TSPAN4: variants seen among roughly 807,000 people sequenced by gnomAD.
TSPAN4 encodes tetraspanin-4.
A neutral mutation model predicts 31.5 loss-of-function variants in TSPAN4; 38 were observed. The ratio of observed to expected loss-of-function variants is 1.21; its 90% CI spans 0.93 to 1.58. The LOEUF is 1.58. Ranked by LOEUF, TSPAN4 falls within the 40% of genes most tolerant of loss-of-function variation. TSPAN4 has a pLI of 0.00. For synonymous variants in TSPAN4, 186 were observed against 144.6 expected, an observed-to-expected ratio of 1.29 and a Z score of -2.06; for missense variants, 330 against 317.3, an observed-to-expected ratio of 1.04 and a Z score of -0.30.
chr11:863,850 G>GGCTCCATCCTCAC, intron 4 of TSPAN4: 3 of 157,716 alleles, frequency 1.9e-5, no homozygotes, highest in Admixed American at 6.0e-5. Context: ...CAGGGCTGGG[G>GGCTCCATCCTCAC]TCAGGCTGAG....
At position 861,906 on chromosome 11, in the gene TSPAN4, G is replaced by C. The variant is rs539298598; in HGVS notation, c.64-644G>C. Among the ~76,000 whole-genome samples the C allele has an allele frequency of 3.3e-4, 50 of 152,296 alleles. 1 individual carries two copies. The highest frequency in any genetic ancestry group is 3.3e-3 in the Admixed American group (50 of 15,302). The stretch of plus-strand genomic sequence containing the variant: ...CCACTGCACTCCAGCCTGAGCAACA[G>C]GGTGAGACTCCATCTCCAAAAAAAG... On this transcript the variant is annotated intron_variant, in intron 3 of 8. Transcript: ENST00000397397.
At position 851,606 on chromosome 11, in the gene TSPAN4, G is replaced by T. The variant is rs187738581; in HGVS notation, c.63+1239G>T. On this transcript the variant is annotated intron_variant, in intron 3 of 8. Transcript: ENST00000397397. ...TTGGCCCAGACATCCACCTCCAGAA[G>T]GGGTCACCCAAGGGTTTGTTTTCTG... 4.5e-4 allele frequency among the ~76,000 whole-genome samples: 69 copies of T among 152,260 alleles called. No homozygotes were observed. The East Asian group carries it at 0.01, about 23-fold the overall frequency.
At position 850,278 on chromosome 11, in the gene TSPAN4, T is replaced by G; in HGVS notation, c.-17-10T>G. 1.2e-6 allele frequency: 2 copies of G among 1,601,776 alleles called. No individual in the cohort carries two copies. Among genetic ancestry groups the G allele is most frequent in the South Asian group, 2.2e-5 (2 of 89,976 alleles). On this transcript the variant is annotated splice_polypyrimidine_tract_variant and intron_variant, in intron 2 of 8. Transcript: ENST00000397397. Reference sequence around the variant, plus strand: ...TTTCTACCTGGACCTCTCCTTCATCTTCCTCCTAGAACTGAAGCGCTGCGG... The same window carrying G: ...TTTCTACCTGGACCTCTCCTTCATCGTCCTCCTAGAACTGAAGCGCTGCGG...
In TSPAN4 at chr11:850,340, C is replaced by A. The variant is rs752159258; in HGVS notation, c.36C>A (p.Leu12=). 1.0e-5 allele frequency: 16 copies of A among 1,606,854 alleles called. No individual in the cohort carries two copies. The highest frequency in any genetic ancestry group is 5.0e-5 in the Admixed American group (3 of 59,936). The change falls in exon 3 of 9, where the codon CTC becomes CTA. Residue 12 remains leucine (L), a synonymous_variant. Coordinates refer to ENST00000397397, the MANE Select transcript of TSPAN4 (RefSeq NM_003271.5). Reference sequence around the variant, plus strand: ...CCTGCCTCCAGGCCGTCAAGTACCTCATGTTCGCCTTCAACCTGCTCTTCT... The same window carrying A: ...CCTGCCTCCAGGCCGTCAAGTACCTAATGTTCGCCTTCAACCTGCTCTTCT... The part of the protein sequence containing the change: ...ARACLQAVKY[L]MFAFNLLFWL...
intron 3 of TSPAN4, among the ~76,000 whole-genome samples, chr11:861,549 A>G (rs1848456964): frequency 6.6e-6 from 1 of 152,052 alleles, no homozygotes; most frequent in Admixed American, 6.5e-5. Context: ...TGTCTCTACT[A>G]AAAGTACAAA....
chr11:857,400 G>GTTT (rs59381120), intron 3 of TSPAN4: 71,912 of 100,578 alleles, frequency 0.71, 26,799 homozygotes, highest in Middle Eastern at 0.74. Flanking sequence ...GGCAGTTTGG[G>GTTT]TTTTTTTTTT....
chr11:855,220 C>T (rs1847980647), intron 3 of TSPAN4, among the ~76,000 whole-genome samples: 1 of 152,088 alleles, frequency 6.6e-6, no homozygotes, highest in Non-Finnish European at 1.5e-5. Context: ...TCTCTGGGGG[C>T]AGAGATGTGG....
intron 3 of TSPAN4, among the ~76,000 whole-genome samples, chr11:856,612 G>A (rs1175550324): frequency 2.0e-5 from 3 of 152,356 alleles, no homozygotes; most frequent in Admixed American, 6.5e-5. Context: ...TGTATTGAGC[G>A]TGTGGGGAGG....
At chr11:851,598 C>T (rs1295500332) in intron 3 of TSPAN4, among the ~76,000 whole-genome samples, 6 of 152,112 alleles carry the variant, frequency 3.9e-5, no homozygotes, top group African/African-American at 9.7e-5. Context: ...AGACATCCAC[C>T]TCCAGAAGGG....
chr11:845,198 G>A (rs1335232637), intron 1 of TSPAN4, among the ~76,000 whole-genome samples: 1 of 152,194 alleles, frequency 6.6e-6, no homozygotes, highest in Non-Finnish European at 1.5e-5. Flanking sequence ...TCCATGCCTG[G>A]GACAGATGTG....
At chr11:847,964 G>C (rs909791437) in intron 2 of TSPAN4, among the ~76,000 whole-genome samples, 2 of 152,196 alleles carry the variant, frequency 1.3e-5, no homozygotes, top group African/African-American at 4.8e-5. Flanking sequence ...TGGTGTTTTT[G>C]ACTGCAGGTG....
At position 851,306 on chromosome 11, in the gene TSPAN4, C is replaced by CGA. The variant is rs759428894; in HGVS notation, c.63+939_63+940insGA. On this transcript the variant is annotated intron_variant, in intron 3 of 8. Transcript: ENST00000397397. ...GGGGGAGGTGAAGTGATACCAAGGT[C>CGA]ATTCTGTGCCCTATTCTTAATTCCT... Among the ~76,000 whole-genome samples the CGA allele has an allele frequency of 4.2e-3, 647 of 152,306 alleles. 1 individual carries two copies. The highest frequency in any genetic ancestry group is 6.3e-3 in the Non-Finnish European group (428 of 68,008).
At chr11:858,405 TCTTA>T (rs931020095) in intron 3 of TSPAN4, 4 of 153,004 alleles carry the variant, frequency 2.6e-5, no homozygotes, top group African/African-American at 9.7e-5. Context: ...GGACAGATTC[TCTTA>T]ATTAGGGATG....
At chr11:866,509 TGA>T in intron 8 of TSPAN4, 51 bp from the exon 9 acceptor site, 1 of 1,571,100 alleles carries the variant, frequency 6.4e-7, no homozygotes, top group Non-Finnish European at 8.7e-7. Context: ...GCTCTGGGCT[TGA>T]GGCCTGAGCC....
chr11:866,305 G>T (rs1848824838), intron 8 of TSPAN4, among the ~76,000 whole-genome samples: 1 of 152,092 alleles, frequency 6.6e-6, no homozygotes, highest in Non-Finnish European at 1.5e-5. Context: ...AGTGGCCCCT[G>T]GTTTCCAAAC....
chr11:854,342 C>T (rs1350351045), intron 3 of TSPAN4, among the ~76,000 whole-genome samples: 1 of 152,216 alleles, frequency 6.6e-6, no homozygotes, highest in Admixed American at 6.5e-5. Flanking sequence ...GTTGGAGTCC[C>T]ACCTGCCAGT....
intron 3 of TSPAN4, among the ~76,000 whole-genome samples, chr11:852,277 C>T (rs1847796060): frequency 6.6e-6 from 1 of 152,016 alleles, no homozygotes; most frequent in African/African-American, 2.4e-5. Context: ...GCGCGCATCA[C>T]CACGCCTGTC....
chr11:862,265 C>T (rs547086081), intron 3 of TSPAN4: 24 of 432,440 alleles, frequency 5.5e-5, no homozygotes, highest in South Asian at 3.8e-4. Flanking sequence ...AGGGGTTGGG[C>T]GGATCCCTCC....
chr11:850,324 A>G lies in TSPAN4; in HGVS notation c.20A>G (p.Gln7Arg). The change falls in exon 3 of 9, where the codon CAG becomes CGG. Residue 7 changes from glutamine (Q) to arginine (R), a missense_variant. By Grantham distance (43) the Gln-to-Arg change is conservative. Coordinates refer to ENST00000397397, the MANE Select transcript of TSPAN4 (RefSeq NM_003271.5). MARACL[Q>R]AVKYLMFAFN... ...TGCGGCATGGCGCGCGCCTGCCTCC[A>G]GGCCGTCAAGTACCTCATGTTCGCC... is the stretch of plus-strand genomic sequence containing the variant. 1 of 1,608,096 alleles carries G rather than the reference A, an allele frequency of 6.2e-7. No individual in the cohort carries two copies. The highest frequency in any genetic ancestry group is 8.5e-7 in the Non-Finnish European group (1 of 1,179,142).
Sources: allele counts gnomAD v4.1 joint callset (sites outside exome capture counted in the v4.1 genomes callset), GRCh38; gene constraint gnomAD v4.1.1; transcripts MANE v1.5; gene names NCBI Gene and HGNC (gene_info 2026-07-23, HGNC 2026-07-21).